Variants in DTWD2 observed in about 807,000 individuals in gnomAD.
DTWD2 encodes the protein DTW motif tRNA-uridine aminocarboxypropyltransferase 2.
DTWD2 carries 39 observed loss-of-function variants against 31.8 expected under a neutral mutation model. The observed-to-expected ratio is 1.22, with a 90% CI of 0.95 to 1.60. DTWD2 has a LOEUF of 1.60. Ranked by LOEUF, DTWD2 falls within the 40% of genes most tolerant of loss-of-function variation. The probability of loss-of-function intolerance (pLI) is 0.00; values close to 1 mark genes in which losing one functional copy is unlikely to be tolerated. For missense variants in DTWD2, 515 were observed against 381.5 expected, an observed-to-expected ratio of 1.35 and a Z score of -2.92; for synonymous variants, 180 against 142.8, an observed-to-expected ratio of 1.26 and a Z score of -1.86.
chr5:118,907,125 C>G (rs1323914657), intron 4 of DTWD2, among the ~76,000 whole-genome samples: 1 of 152,176 alleles, frequency 6.6e-6, no homozygotes, highest in Non-Finnish European at 1.5e-5. Flanking sequence ...TAAAGGTACT[C>G]ACATCAAGTG....
intron 1 of DTWD2, among the ~76,000 whole-genome samples, chr5:118,976,642 A>C (rs1755167545): frequency 6.6e-6 from 1 of 152,244 alleles, no homozygotes; most frequent in Non-Finnish European, 1.5e-5. Context: ...TAAACTAGGA[A>C]GAAGTCGAAT....
chr5:118,872,678 C>G (rs763422033), intron 4 of DTWD2, among the ~76,000 whole-genome samples: 3 of 152,038 alleles, frequency 2.0e-5, no homozygotes. Context: ...AGACCACCAC[C>G]ATAACAGAAA....
chr5:118,918,252 G>C (rs1195711493), intron 4 of DTWD2, among the ~76,000 whole-genome samples: 2 of 151,944 alleles, frequency 1.3e-5, no homozygotes. Context: ...AAAACGTTTG[G>C]AAAATAAAAG....
At chr5:118,976,567 C>G (rs1349279747) in intron 1 of DTWD2, among the ~76,000 whole-genome samples, 1 of 152,190 alleles carries the variant, frequency 6.6e-6, no homozygotes, top group Non-Finnish European at 1.5e-5. Context: ...AACACCTCTA[C>G]ACACATAAAC....
chr5:118,949,179 A>G (rs976520943), intron 1 of DTWD2, among the ~76,000 whole-genome samples: 2 of 152,186 alleles, frequency 1.3e-5, no homozygotes, highest in Admixed American at 6.5e-5. Flanking sequence ...AAAATATTGA[A>G]TAAAGTGAGA....
intron 1 of DTWD2, chr5:118,974,800 T>C (rs1184361525): frequency 4.1e-5 from 16 of 390,372 alleles, no homozygotes; most frequent in Admixed American, 1.8e-4. Flanking sequence ...TTTTGCTGAG[T>C]TGTTCTAACA....
chr5:118,863,278 G>A (rs1752308806), intron 4 of DTWD2, among the ~76,000 whole-genome samples: 1 of 152,144 alleles, frequency 6.6e-6, no homozygotes, highest in Admixed American at 6.6e-5. Flanking sequence ...GACTCCACAA[G>A]GGAATGCATA....
At chr5:118,854,048 T>A (rs1752074435) in intron 4 of DTWD2, among the ~76,000 whole-genome samples, 1 of 152,194 alleles carries the variant, frequency 6.6e-6, no homozygotes, top group South Asian at 2.1e-4. Context: ...GTATTATTAG[T>A]CATAATTTAT....
At chr5:118,896,886 G>C (rs1202607141) in intron 4 of DTWD2, among the ~76,000 whole-genome samples, 2 of 152,188 alleles carry the variant, frequency 1.3e-5, no homozygotes, top group East Asian at 3.8e-4. Context: ...TGCCAGGTAT[G>C]TGCCTAAAGC....
chr5:118,905,839 C>T (rs34896479), intron 4 of DTWD2, among the ~76,000 whole-genome samples: 28,919 of 151,990 alleles, frequency 0.19, 3,598 homozygotes, highest in Non-Finnish European at 0.28. Flanking sequence ...TATTTTTTAA[C>T]ATCATGTATA....
At chr5:118,947,386 G>A (rs1754363228) in intron 1 of DTWD2, among the ~76,000 whole-genome samples, 1 of 152,208 alleles carries the variant, frequency 6.6e-6, no homozygotes, top group African/African-American at 2.4e-5. Flanking sequence ...TAAGCGGGAA[G>A]GAGAGCTGGA....
chr5:118,869,125 TG>T (rs1752445893), intron 4 of DTWD2, among the ~76,000 whole-genome samples: 2 of 151,794 alleles, frequency 1.3e-5, no homozygotes, highest in South Asian at 4.2e-4. Flanking sequence ...TGGATGGTGG[TG>T]GTGGTGGTGG....
chr5:118,935,549 G>A (rs1388961059), intron 3 of DTWD2, among the ~76,000 whole-genome samples: 1 of 152,122 alleles, frequency 6.6e-6, no homozygotes, highest in African/African-American at 2.4e-5. Context: ...TGCTTGTGGG[G>A]AGAAATCCTC....
chr5:118,973,664 TCCTTGCTCGCCGCAGCCG>T (rs1755050177), intron 1 of DTWD2: 2 of 726,178 alleles, frequency 2.8e-6, no homozygotes, highest in Non-Finnish European at 4.2e-6. Context: ...CGCGGCAGCC[TCCTTGCTCGCCGCAGCCG>T]CCTCCGCCAC....
At chr5:118,965,071 G>A (rs977486122) in intron 1 of DTWD2, among the ~76,000 whole-genome samples, 5 of 151,758 alleles carry the variant, frequency 3.3e-5, no homozygotes, top group African/African-American at 1.2e-4. Flanking sequence ...GGGATGTGAG[G>A]AGCACCACTG....
intron 1 of DTWD2, chr5:118,973,708 C>T: frequency 6.6e-7 from 1 of 1,517,512 alleles, no homozygotes; most frequent in African/African-American, 1.4e-5. Flanking sequence ...TCCTCCGCCG[C>T]CGCGGACTCC....
At chr5:118,897,124 T>C (rs942882920) in intron 4 of DTWD2, among the ~76,000 whole-genome samples, 2 of 152,216 alleles carry the variant, frequency 1.3e-5, no homozygotes, top group African/African-American at 2.4e-5. Context: ...ACTCAGTATA[T>C]AGTGGAACTC....
chr5:118,888,913 T>C (rs1050604577), intron 4 of DTWD2, among the ~76,000 whole-genome samples: 1 of 152,222 alleles, frequency 6.6e-6, no homozygotes, highest in Non-Finnish European at 1.5e-5. Flanking sequence ...ATAAAGTGTA[T>C]GTTCAAAACT....
chr5:118,844,847 T>C (rs1240073409), intron 5 of DTWD2, among the ~76,000 whole-genome samples: 1 of 152,152 alleles, frequency 6.6e-6, no homozygotes, highest in South Asian at 2.1e-4. Flanking sequence ...AAATTTACTC[T>C]TCTCTGGCAG....
Sources: allele counts gnomAD v4.1 joint callset (sites outside exome capture counted in the v4.1 genomes callset), GRCh38; gene constraint gnomAD v4.1.1; transcripts MANE v1.5; gene names NCBI Gene and HGNC (gene_info 2026-07-23, HGNC 2026-07-21).